Variants in CYP39A1 observed in about 807,000 individuals in gnomAD.
CYP39A1 encodes 24-hydroxycholesterol 7-alpha-hydroxylase.
A neutral mutation model predicts 58.1 loss-of-function variants in CYP39A1; 49 were observed. The ratio of observed to expected loss-of-function variants is 0.84; its 90% CI spans 0.67 to 1.07. The LOEUF (loss-of-function observed/expected upper bound fraction) is 1.07. Ranked by LOEUF, CYP39A1 falls within the 50% of genes least tolerant of loss-of-function variation. The pLI, the probability that CYP39A1 is intolerant of heterozygous loss-of-function variation, is 0.00. For missense variants in CYP39A1, 531 were observed against 539.4 expected, an observed-to-expected ratio of 0.98 and a Z score of 0.16; for synonymous variants, 209 against 187.6, an observed-to-expected ratio of 1.11 and a Z score of -0.93.
chr6:46,622,795 G>A (rs977409459), intron 7 of CYP39A1, among the ~76,000 whole-genome samples: 1 of 152,112 alleles, frequency 6.6e-6, no homozygotes, highest in Non-Finnish European at 1.5e-5. Context: ...AATAATTGGG[G>A]CTAAGCAAGC....
intron 8 of CYP39A1, among the ~76,000 whole-genome samples, chr6:46,592,536 G>A (rs961271712): frequency 6.6e-6 from 1 of 152,138 alleles, no homozygotes; most frequent in Non-Finnish European, 1.5e-5. Context: ...ACTGTTTATA[G>A]AAGTGAAAAA....
intron 7 of CYP39A1, among the ~76,000 whole-genome samples, chr6:46,614,960 T>A (rs979296267): frequency 6.6e-6 from 1 of 152,158 alleles, no homozygotes; most frequent in Non-Finnish European, 1.5e-5. Flanking sequence ...CATCCTGCAA[T>A]ACCTGCAGTT....
intron 7 of CYP39A1, among the ~76,000 whole-genome samples, chr6:46,611,136 A>G (rs999495494): frequency 2.0e-5 from 3 of 152,244 alleles, no homozygotes; most frequent in Non-Finnish European, 2.9e-5. Context: ...TCTTCCAAGC[A>G]TCTCAGTCAT....
intron 10 of CYP39A1, among the ~76,000 whole-genome samples, chr6:46,558,994 C>CAAAA (rs35310827): frequency 2.0e-5 from 1 of 49,102 alleles, no homozygotes; most frequent in Non-Finnish European, 4.5e-5. Flanking sequence ...GACTCCATCT[C>CAAAA]AAAAAAAAAA....
chr6:46,556,026 CT>C (rs755563704), intron 10 of CYP39A1, among the ~76,000 whole-genome samples: 3 of 152,202 alleles, frequency 2.0e-5, no homozygotes, highest in Non-Finnish European at 4.4e-5. Context: ...GAAAAAACAA[CT>C]TTGCTAACTC....
chr6:46,621,202 G>A lies in CYP39A1; in HGVS notation c.931+4216C>T, dbSNP rs9472804. Among the ~76,000 whole-genome samples, 1,266 of 151,936 alleles carry A rather than the reference G, an allele frequency of 8.3e-3. 8 individuals carry two copies. Among genetic ancestry groups the A allele is most frequent in the Admixed American group, 0.015 (233 of 15,280 alleles). On this transcript the variant is annotated intron_variant, in intron 7 of 11. Coordinates refer to ENST00000275016, the MANE Select transcript of CYP39A1 (RefSeq NM_016593.5). ...GGAAAAAAAGGAATCAACAGAAAGC[G>A]TCCCTGAAGAAACTGTTGCTGGACT...
Position 46,596,082 on chromosome 6 carries a change from T to G in CYP39A1, c.970A>C (p.Asn324His), listed in dbSNP as rs558566192. 3 of 1,610,654 alleles carry G rather than the reference T, an allele frequency of 1.9e-6. No homozygotes were observed. The East Asian group carries it at 6.7e-5, about 36-fold the overall frequency. ...ACACACCATTTAATTAGAAGGAGAT[T>G]CTCCAGGTCATCCTCAGACACTTTA... ...KIKVSEDDLENLLLIKWCVLE... is the reference protein window; with the variant it reads ...KIKVSEDDLEHLLLIKWCVLE... The change falls in exon 8 of 12, where the codon AAT becomes CAT. Residue 324 changes from asparagine to histidine, a missense_variant. Asn to His is a moderately conservative substitution (Grantham distance 68, BLOSUM62 1). Coordinates refer to ENST00000275016, the MANE Select transcript of CYP39A1 (RefSeq NM_016593.5).
chr6:46,591,692 T>A (rs1439897966), intron 8 of CYP39A1, among the ~76,000 whole-genome samples: 1 of 152,024 alleles, frequency 6.6e-6, no homozygotes. Context: ...TGTGATGGGA[T>A]CATGAAACCA....
At chr6:46,650,481 A>ATTTTTTT (rs1762612334) in intron 1 of CYP39A1, among the ~76,000 whole-genome samples, 1 of 54,792 alleles carries the variant, frequency 1.8e-5, no homozygotes, top group African/African-American at 6.5e-5. Context: ...ATGCAGTCAT[A>ATTTTTTT]TTCTTTTTTT....
intron 10 of CYP39A1, among the ~76,000 whole-genome samples, chr6:46,557,860 C>T (rs1168657692): frequency 6.8e-6 from 1 of 147,888 alleles, no homozygotes; most frequent in African/African-American, 2.5e-5. Flanking sequence ...TGCTTGAACT[C>T]CGGAGGCAGA....
At chr6:46,566,821 C>T (rs969773493) in intron 10 of CYP39A1, among the ~76,000 whole-genome samples, 1 of 149,910 alleles carries the variant, frequency 6.7e-6, no homozygotes, top group Non-Finnish European at 1.5e-5. Flanking sequence ...ATTTAAAGCA[C>T]AAAATGAGAT....
intron 10 of CYP39A1, among the ~76,000 whole-genome samples, chr6:46,555,462 G>A (rs2150477840): frequency 2.0e-5 from 3 of 152,306 alleles, no homozygotes; most frequent in Admixed American, 2.0e-4. Context: ...ACCTAATAAT[G>A]TTAACTGAAT....
intron 7 of CYP39A1, among the ~76,000 whole-genome samples, chr6:46,603,984 C>T (rs948090858): frequency 6.6e-6 from 1 of 152,094 alleles, no homozygotes; most frequent in Non-Finnish European, 1.5e-5. Context: ...GTATACAATG[C>T]CTAGCATAGT....
At chr6:46,584,734 G>T (rs144109223) in intron 10 of CYP39A1, among the ~76,000 whole-genome samples, 1 of 152,188 alleles carries the variant, frequency 6.6e-6, no homozygotes, top group Non-Finnish European at 1.5e-5. Flanking sequence ...AAGGCCTTAA[G>T]CCACATGCCT....
intron 7 of CYP39A1, among the ~76,000 whole-genome samples, chr6:46,602,994 T>A (rs1158103506): frequency 6.6e-6 from 1 of 151,884 alleles, no homozygotes; most frequent in Admixed American, 6.6e-5. Context: ...TATGATTGAA[T>A]TTTTAACTGG....
At chr6:46,558,370 T>C (rs1349510303) in intron 10 of CYP39A1, among the ~76,000 whole-genome samples, 4 of 152,102 alleles carry the variant, frequency 2.6e-5, no homozygotes, top group South Asian at 4.2e-4. Context: ...GCAAGCTCCT[T>C]CTTCACATGG....
At chr6:46,572,232 A>G (rs1771625305) in intron 10 of CYP39A1, among the ~76,000 whole-genome samples, 3 of 152,090 alleles carry the variant, frequency 2.0e-5, no homozygotes, top group African/African-American at 7.2e-5. Flanking sequence ...TAATATTCTG[A>G]TTTTGACTAT....
intron 7 of CYP39A1, among the ~76,000 whole-genome samples, chr6:46,610,061 G>A (rs961735228): frequency 6.6e-6 from 1 of 152,104 alleles, no homozygotes; most frequent in African/African-American, 2.4e-5. Context: ...ATTGAGTGCA[G>A]GTTTCTAGAA....
intron 11 of CYP39A1, among the ~76,000 whole-genome samples, chr6:46,553,092 A>C (rs1402417616): frequency 6.6e-6 from 1 of 151,354 alleles, no homozygotes; most frequent in African/African-American, 2.4e-5. Context: ...AAAAAAAAAA[A>C]AAGGAAAGAA....
Sources: allele counts gnomAD v4.1 joint callset (sites outside exome capture counted in the v4.1 genomes callset), GRCh38; gene constraint gnomAD v4.1.1; transcripts MANE v1.5; gene names NCBI Gene and HGNC (gene_info 2026-07-23, HGNC 2026-07-21).